The following MYOZ2 variants were observed in gnomAD, a reference collection of about 807,000 sequenced individuals.
MYOZ2 encodes the protein myozenin 2, also known as myozenin-2.
MYOZ2 carries 19 observed loss-of-function variants against 25.4 expected under a neutral mutation model. That is an observed-to-expected ratio of 0.75 (90% CI 0.52 to 1.10). MYOZ2 has a LOEUF of 1.10. MYOZ2 is among the 50% of genes least tolerant of loss of function. The pLI, the probability that MYOZ2 is intolerant of heterozygous loss-of-function variation, is 0.00. For missense variants in MYOZ2, 270 were observed against 317.9 expected, an observed-to-expected ratio of 0.85 and a Z score of 1.15; for synonymous variants, 92 against 106.9, an observed-to-expected ratio of 0.86 and a Z score of 0.86.
intron 5 of MYOZ2, among the ~76,000 whole-genome samples, chr4:119,171,396 T>A (rs1385522750): frequency 6.6e-6 from 1 of 151,988 alleles, no homozygotes; most frequent in Non-Finnish European, 1.5e-5. Flanking sequence ...ACTTTCTGTA[T>A]CTTACACTTC....
intron 2 of MYOZ2, among the ~76,000 whole-genome samples, chr4:119,138,879 T>C (rs1741097576): frequency 6.6e-6 from 1 of 152,114 alleles, no homozygotes; most frequent in Non-Finnish European, 1.5e-5. Context: ...GGGAAAGAGA[T>C]TGCAGCCGGT....
intron 4 of MYOZ2, among the ~76,000 whole-genome samples, chr4:119,159,058 T>C (rs763636915): frequency 6.6e-6 from 1 of 152,156 alleles, no homozygotes; most frequent in Non-Finnish European, 1.5e-5. Context: ...TATCAAAATA[T>C]CTAATGAACC....
chr4:119,160,714 C>A (rs7696877), intron 4 of MYOZ2, among the ~76,000 whole-genome samples: 2 of 151,776 alleles, frequency 1.3e-5, no homozygotes, highest in East Asian at 3.9e-4. Context: ...TCTCATTTAA[C>A]GGAACCTCAA....
intron 5 of MYOZ2, 23 bp downstream of exon 5, chr4:119,164,417 C>T: frequency 6.2e-7 from 1 of 1,613,378 alleles, no homozygotes; most frequent in Non-Finnish European, 8.5e-7. Flanking sequence ...TCCTGGGTGA[C>T]ACTGTTGGCA....
chr4:119,183,006 A>G (rs1742217596), intron 5 of MYOZ2, among the ~76,000 whole-genome samples: 1 of 152,192 alleles, frequency 6.6e-6, no homozygotes, highest in Non-Finnish European at 1.5e-5. Flanking sequence ...ACACACAGAA[A>G]TTAAGGTAGT....
rs60344545 is a variant in MYOZ2, at chr4:119,145,338, GTTTTTTTTTTT to G, written c.77-5520_77-5510del. ...GTAATTTTTTCTGTGTGCGTGTGTG[GTTTTTTTTTTT>G]TTTTTTTTTTTTTGAGATAGGGTCT... On this transcript the variant is annotated intron_variant, in intron 2 of 5. Transcript: ENST00000307128. 7.0e-5 allele frequency among the ~76,000 whole-genome samples: 7 copies of G among 100,640 alleles called. No homozygotes were observed. The East Asian group carries it at 1.4e-3, about 20-fold the overall frequency. 66.0% of individuals were successfully genotyped at this position (100,640 alleles called of 152,430 possible).
At chr4:119,165,103 G>T in intron 5 of MYOZ2, among the ~76,000 whole-genome samples, 1 of 148,194 alleles carries the variant, frequency 6.7e-6, no homozygotes, top group African/African-American at 2.5e-5. Flanking sequence ...CTCAAAAAAA[G>T]TTAGACTCAA....
At chr4:119,168,571 A>G (rs1741878755) in intron 5 of MYOZ2, among the ~76,000 whole-genome samples, 4 of 152,182 alleles carry the variant, frequency 2.6e-5, no homozygotes. Flanking sequence ...GGGGTTCAAG[A>G]CTTCATTGGA....
intron 5 of MYOZ2, among the ~76,000 whole-genome samples, chr4:119,166,630 A>G (rs1417406308): frequency 1.3e-5 from 2 of 152,248 alleles, no homozygotes; most frequent in East Asian, 3.9e-4. Context: ...ACCTCGTTTT[A>G]TTGCACTTCA....
intron 5 of MYOZ2, among the ~76,000 whole-genome samples, chr4:119,173,705 C>T (rs950771386): frequency 8.5e-5 from 13 of 152,368 alleles, no homozygotes; most frequent in Admixed American, 1.3e-4. Context: ...TTCAGCCCAC[C>T]GCTGCACTGT....
At chr4:119,182,836 A>C (rs62326343) in intron 5 of MYOZ2, among the ~76,000 whole-genome samples, 204 of 152,318 alleles carry the variant, frequency 1.3e-3, no homozygotes, top group Non-Finnish European at 2.5e-3. Context: ...TTGCTGTAAC[A>C]GATGCAATGG....
intron 5 of MYOZ2, among the ~76,000 whole-genome samples, chr4:119,173,128 G>A (rs560144791): frequency 4.3e-4 from 66 of 152,122 alleles, no homozygotes; most frequent in African/African-American, 1.5e-3. Context: ...TATTATAGGC[G>A]TATTATATAT....
At chr4:119,168,477 T>C (rs947742026) in intron 5 of MYOZ2, among the ~76,000 whole-genome samples, 6 of 152,148 alleles carry the variant, frequency 3.9e-5, no homozygotes, top group African/African-American at 1.4e-4. Context: ...TGAAGATTAT[T>C]TGTGATTCAT....
intron 2 of MYOZ2, among the ~76,000 whole-genome samples, chr4:119,148,005 A>G (rs926988033): frequency 2.0e-5 from 3 of 151,944 alleles, no homozygotes; most frequent in African/African-American, 7.3e-5. Context: ...AGAAAACTTC[A>G]TTTAGTCATT....
At chr4:119,156,344 G>T (rs1315303464) in intron 3 of MYOZ2, among the ~76,000 whole-genome samples, 1 of 151,188 alleles carries the variant, frequency 6.6e-6, no homozygotes, top group Middle Eastern at 3.4e-3. Context: ...CAAGATAATC[G>T]GGGAATTATA....
chr4:119,183,360 T>A (rs1428824028), intron 5 of MYOZ2, among the ~76,000 whole-genome samples: 2 of 151,690 alleles, frequency 1.3e-5, no homozygotes, highest in Non-Finnish European at 2.9e-5. Flanking sequence ...TAAGTATGAA[T>A]TAGGGCTTAA....
chr4:119,181,658 C>T (rs367898335), intron 5 of MYOZ2, among the ~76,000 whole-genome samples: 1 of 152,130 alleles, frequency 6.6e-6, no homozygotes, highest in South Asian at 2.1e-4. Flanking sequence ...GGCATATCAA[C>T]TTACTACAAA....
chr4:119,175,246 A>G (rs1742041877), intron 5 of MYOZ2, among the ~76,000 whole-genome samples: 1 of 152,188 alleles, frequency 6.6e-6, no homozygotes, highest in Non-Finnish European at 1.5e-5. Context: ...AAAACAAAAT[A>G]GAGCTGGATA....
At chr4:119,144,359 A>G (rs1415861181) in intron 2 of MYOZ2, among the ~76,000 whole-genome samples, 1 of 152,182 alleles carries the variant, frequency 6.6e-6, no homozygotes, top group Non-Finnish European at 1.5e-5. Flanking sequence ...TAGTTTACCC[A>G]TTGAAGTACA....
Sources: allele counts gnomAD v4.1 joint callset (sites outside exome capture counted in the v4.1 genomes callset), GRCh38; gene constraint gnomAD v4.1.1; transcripts MANE v1.5; gene names NCBI Gene and HGNC (gene_info 2026-07-23, HGNC 2026-07-21).